CCDC186: variants seen among roughly 807,000 people sequenced by gnomAD.
The protein encoded by CCDC186 is coiled-coil domain containing 186.
In CCDC186, 49 loss-of-function variants were observed where a neutral mutation model predicts 113.7. The observed-to-expected ratio is 0.43, with a 90% CI of 0.34 to 0.55. The LOEUF (loss-of-function observed/expected upper bound fraction) is 0.55. CCDC186 is among the 20% of genes least tolerant of loss of function. The pLI, the probability that CCDC186 is intolerant of heterozygous loss-of-function variation, is 0.02. For missense variants in CCDC186, 890 were observed against 1,011.1 expected (o/e 0.88, Z 1.62); for synonymous variants, 355 against 345.8 (o/e 1.03, Z -0.30).
Position 114,122,189 on chromosome 10 carries a change from C to G in CCDC186, c.*2954G>C, listed in dbSNP as rs1206515253. ...TGCTCACTAGTATAAATACAATACC[C>G]TGTATGGTGCCAATACAATAGTATA... On this transcript the variant is annotated 3_prime_UTR_variant, in exon 16 of 16. Transcript: ENST00000369287. The G allele has an allele frequency of 6.6e-6, 1 of 152,098 alleles. No homozygotes were observed. Among genetic ancestry groups the G allele is most frequent in the African/African-American group, 2.4e-5 (1 of 41,394 alleles). 9.4% of individuals were successfully genotyped at this position (152,098 alleles called of 1,614,324 possible).
chr10:114,145,778 A>G lies in CCDC186; in HGVS notation c.889-17T>C. 1 of 1,557,910 alleles carries G rather than the reference A, an allele frequency of 6.4e-7. No homozygotes were observed. Among genetic ancestry groups the G allele is most frequent in the Non-Finnish European group, 8.6e-7 (1 of 1,158,500 alleles). On this transcript the variant is annotated splice_polypyrimidine_tract_variant and intron_variant, in intron 4 of 15. Coordinates refer to ENST00000369287, the MANE Select transcript of CCDC186 (RefSeq NM_018017.4). ...CTTGTTGGCCTTCAAAAAAAATATTACTTAGCATTAATGAAAAATAATGTT... is the reference window on the plus strand; with the variant it reads ...CTTGTTGGCCTTCAAAAAAAATATTGCTTAGCATTAATGAAAAATAATGTT...
chr10:114,168,611 C>G (rs768460240), intron 1 of CCDC186, among the ~76,000 whole-genome samples: 35 of 152,170 alleles, frequency 2.3e-4, no homozygotes, highest in Non-Finnish European at 4.4e-4. Flanking sequence ...CACAAGAAGA[C>G]AGCCTCAACC....
chr10:114,174,163 G>A lies in CCDC186; in HGVS notation c.-210C>T, dbSNP rs114530801. 6.4e-6 allele frequency: 3 copies of A among 466,836 alleles called. No homozygotes were observed. Among genetic ancestry groups the A allele is most frequent in the African/African-American group, 4.0e-5 (2 of 50,138 alleles). 28.9% of individuals were successfully genotyped at this position (466,836 alleles called of 1,614,324 possible). A position where few individuals can be genotyped will look rare whatever the true frequency, so the allele number is the denominator to read the frequency against. On this transcript the variant is annotated 5_prime_UTR_variant, in exon 1 of 16. The change creates a new upstream start codon in the 5' untranslated region. Coordinates refer to ENST00000369287, the MANE Select transcript of CCDC186 (RefSeq NM_018017.4). ...ACAGCCGACGCCTCACTCAGCGGCCGTTTCCCCAAACCCCTGCGGAGCTGA... is the reference window on the plus strand; with the variant it reads ...ACAGCCGACGCCTCACTCAGCGGCCATTTCCCCAAACCCCTGCGGAGCTGA...
chr10:114,127,533 C>A lies in CCDC186; in HGVS notation c.2321G>T (p.Arg774Leu). ...CATAAATTCTATCTTTTCATTTTTC[C>A]GGGCATGTGCTTTTTGCAGCCTAAC... ...RIVRLQKAHA[R>L]KNEKIEFMED... The change falls in exon 14 of 16, where the codon CGG (arginine) becomes CTG (leucine). Residue 774 changes from arginine to leucine, a missense_variant. Coordinates refer to ENST00000369287, the MANE Select transcript of CCDC186 (RefSeq NM_018017.4). 1 of 1,613,854 alleles carries A rather than the reference C, an allele frequency of 6.2e-7. No individual in the cohort carries two copies. The highest frequency in any genetic ancestry group is 8.5e-7 in the Non-Finnish European group (1 of 1,179,962).
At chr10:114,164,610 TG>T (rs1469629878) in intron 1 of CCDC186, among the ~76,000 whole-genome samples, 5 of 152,180 alleles carry the variant, frequency 3.3e-5, no homozygotes, top group Non-Finnish European at 7.3e-5. Flanking sequence ...ACTGAAACCA[TG>T]TGAGGTTAGA....
intron 4 of CCDC186, 84 bp from the exon 5 acceptor site, chr10:114,145,845 T>C (rs1210134592): frequency 8.8e-6 from 11 of 1,245,348 alleles, no homozygotes; most frequent in East Asian, 2.4e-5. Context: ...TTGTCTCTTA[T>C]ATTACCAATG....
chr10:114,142,353 T>C (rs893892747), intron 6 of CCDC186, among the ~76,000 whole-genome samples: 3 of 152,222 alleles, frequency 2.0e-5, no homozygotes, highest in Admixed American at 6.5e-5. Flanking sequence ...GAAGCAGTTA[T>C]GTCTGGCAAG....
intron 9 of CCDC186, among the ~76,000 whole-genome samples, 159 bp downstream of exon 9, chr10:114,135,732 A>G (rs1262755817): frequency 6.6e-6 from 1 of 152,166 alleles, no homozygotes; most frequent in African/African-American, 2.4e-5. Flanking sequence ...CTTTCAACAA[A>G]AGAAGTTGCT....
At chr10:114,131,790 T>A (rs2031096492) in intron 11 of CCDC186, 139 bp downstream of exon 11, 1 of 601,804 alleles carries the variant, frequency 1.7e-6, no homozygotes, top group Admixed American at 4.0e-5. Flanking sequence ...AAAACTGACA[T>A]TTCTTACAGC....
intron 2 of CCDC186, among the ~76,000 whole-genome samples, chr10:114,160,737 C>A (rs1179398741): frequency 6.6e-6 from 1 of 151,564 alleles, no homozygotes; most frequent in African/African-American, 2.4e-5. Context: ...ATTAAAATTT[C>A]AAAGAAAGTA....
At chr10:114,161,858 A>G (rs1404692674) in intron 2 of CCDC186, 4 of 152,196 alleles carry the variant, frequency 2.6e-5, no homozygotes, top group African/African-American at 9.6e-5. Context: ...TGAGCCTTAA[A>G]AAGAAATGAA....
At chr10:114,134,074 A>G (rs1476840596) in intron 10 of CCDC186, among the ~76,000 whole-genome samples, 1 of 152,228 alleles carries the variant, frequency 6.6e-6, no homozygotes, top group Non-Finnish European at 1.5e-5. Context: ...AGTTTCTTCC[A>G]TGATAACAAG....
intron 3 of CCDC186, among the ~76,000 whole-genome samples, chr10:114,152,310 C>A (rs1213261706): frequency 6.6e-6 from 1 of 151,316 alleles, no homozygotes; most frequent in South Asian, 2.1e-4. Flanking sequence ...CCATGGTACG[C>A]CAGCCAGAGT....
intron 6 of CCDC186, among the ~76,000 whole-genome samples, chr10:114,143,842 C>T (rs2031552394): frequency 6.6e-6 from 1 of 152,126 alleles, no homozygotes. Context: ...CAGAGTTGTT[C>T]TTTTACTTCA....
At chr10:114,171,895 TA>T (rs1467008715) in intron 1 of CCDC186, among the ~76,000 whole-genome samples, 2 of 152,220 alleles carry the variant, frequency 1.3e-5, no homozygotes, top group African/African-American at 4.8e-5. Context: ...TTCATCTCAG[TA>T]TTTTTCCTTT....
At chr10:114,157,507 A>G (rs1276182093) in intron 3 of CCDC186, 47 bp downstream of exon 3, 4 of 1,526,368 alleles carry the variant, frequency 2.6e-6, no homozygotes, top group Non-Finnish European at 3.5e-6. Context: ...GAATGTATTT[A>G]TTTTATTAAT....
At position 114,125,090 on chromosome 10, in the gene CCDC186, G is replaced by T; in HGVS notation, c.*53C>A. ...ACAAAGTCTCCAACAATAGAGGTCA[G>T]TGGCACCTACTCCTGTGTGGCTTTT... On this transcript the variant is annotated 3_prime_UTR_variant, in exon 16 of 16. Coordinates refer to ENST00000369287, the MANE Select transcript of CCDC186 (RefSeq NM_018017.4). 7.6e-7 allele frequency: 1 copy of T among 1,311,552 alleles called. No individual in the cohort carries two copies. The highest frequency in any genetic ancestry group is 1.1e-6 in the Non-Finnish European group (1 of 934,684). 81.2% of individuals were successfully genotyped at this position (1,311,552 alleles called of 1,614,324 possible). A position where few individuals can be genotyped will look rare whatever the true frequency, so the allele number is the denominator to read the frequency against.
Position 114,125,013 on chromosome 10 carries a change from T to G in CCDC186, c.*130A>C, listed in dbSNP as rs1414440076. 8.1e-6 allele frequency: 5 copies of G among 613,876 alleles called. No individual in the cohort carries two copies. The highest frequency in any genetic ancestry group is 2.4e-5 in the South Asian group (1 of 41,806). 38.0% of individuals were successfully genotyped at this position (613,876 alleles called of 1,614,324 possible). On this transcript the variant is annotated 3_prime_UTR_variant, in exon 16 of 16. Transcript: ENST00000369287. ...TTCATATTGTAAAAGGGTATTTTTTTGTGTACAGATGAAGCAAAACAATAT... is the reference window on the plus strand; with the variant it reads ...TTCATATTGTAAAAGGGTATTTTTTGGTGTACAGATGAAGCAAAACAATAT...
chr10:114,139,204 T>C (rs886755010), intron 6 of CCDC186, among the ~76,000 whole-genome samples: 4 of 85,678 alleles, frequency 4.7e-5, no homozygotes, highest in Non-Finnish European at 6.8e-5. Flanking sequence ...CCTTTGTTCC[T>C]TTTTTTTTTT....
Sources: gnomAD v4.1 joint callset for allele counts (sites outside exome capture counted in the v4.1 genomes callset) on GRCh38, gnomAD v4.1.1 for gene constraint, MANE v1.5 for transcripts, NCBI Gene and HGNC (gene_info 2026-07-23, HGNC 2026-07-21) for gene names.